SMAD4: variants seen among roughly 807,000 people sequenced by gnomAD.
SMAD4 encodes SMAD family member 4.
Under a neutral mutation model 63.2 loss-of-function variants are expected in SMAD4, and 7 were observed. That is an observed-to-expected ratio of 0.11 (90% confidence interval 0.06 to 0.21). The LOEUF (loss-of-function observed/expected upper bound fraction) is 0.21. Among genes scored for constraint, SMAD4 ranks in the 10% least tolerant of loss-of-function variants. The pLI is 1.00. For missense variants in SMAD4, 312 were observed against 693.8 expected (o/e 0.45, Z 6.18); for synonymous variants, 215 against 235.4 (o/e 0.91, Z 0.79).
Position 51,039,129 on chromosome 18 carries a change from G to A in SMAD4, c.-127-7791G>A, listed in dbSNP as rs191914729. On this transcript the variant is annotated intron_variant, in intron 1 of 11. Coordinates refer to ENST00000342988, the MANE Select transcript of SMAD4 (RefSeq NM_005359.6). ...CTCAGAAAAAGAATATGAATAAAGG[G>A]ATCCTGAGATCAGAGAGTTTGACAG... is the stretch of plus-strand genomic sequence containing the variant. Among the ~76,000 whole-genome samples, 459 of 152,228 alleles carry A rather than the reference G, an allele frequency of 3.0e-3. 2 individuals carry two copies. Among genetic ancestry groups the A allele is most frequent in the African/African-American group, 0.011 (444 of 41,534 alleles).
intron 10 of SMAD4, among the ~76,000 whole-genome samples, chr18:51,075,859 C>A (rs1244705149): frequency 1.3e-5 from 2 of 152,136 alleles, no homozygotes; most frequent in African/African-American, 2.4e-5. Flanking sequence ...TTTGCAACAA[C>A]CTCATGAAAG....
At chr18:51,076,983 T>G in intron 11 of SMAD4, 1 of 491,834 alleles carries the variant, frequency 2.0e-6, no homozygotes, top group Non-Finnish European at 3.6e-6. Flanking sequence ...GTATCAAAAA[T>G]GGAGTATGGG....
intron 10 of SMAD4, among the ~76,000 whole-genome samples, chr18:51,068,949 T>TAG (rs1190511397): frequency 6.6e-6 from 1 of 152,034 alleles, no homozygotes; most frequent in Admixed American, 6.6e-5. Context: ...AGACAATACA[T>TAG]AGACTATGAT....
At chr18:51,046,898 C>CTTTTTTTTTTTTTTTTTTTTTTTT in intron 1 of SMAD4, 22 bp from the exon 2 acceptor site, 1 of 540,562 alleles carries the variant, frequency 1.8e-6, no homozygotes, top group Non-Finnish European at 3.2e-6. Flanking sequence ...TGATGTGTGT[C>CTTTTTTTTTTTTTTTTTTTTTTTT]TTTTTTTTTT....
At chr18:51,051,407 C>T (rs1909707892) in intron 4 of SMAD4, 1 of 455,996 alleles carries the variant, frequency 2.2e-6, no homozygotes, top group South Asian at 1.6e-5. Flanking sequence ...AGGAATGATA[C>T]AAGAGCAGGT....
intron 8 of SMAD4, among the ~76,000 whole-genome samples, chr18:51,062,862 T>TTTTTTTG (rs1910055055): frequency 1.5e-5 from 2 of 132,332 alleles, no homozygotes; most frequent in African/African-American, 5.7e-5. Context: ...TTTTTTTTTT[T>TTTTTTTG]TTTTTTTTTT....
chr18:51,068,095 G>T (rs553380574), intron 10 of SMAD4, among the ~76,000 whole-genome samples: 84 of 152,260 alleles, frequency 5.5e-4, no homozygotes, highest in Non-Finnish European at 1.1e-3. Context: ...CCAGGAAGTT[G>T]CTTAGGATAA....
In SMAD4 at chr18:51,078,756, A is replaced by G. The variant is rs1461765879; in HGVS notation, c.*289A>G. ...GAAGGAATCATTCCAGTGCTAGAAA[A>G]TTTAGCCCTTTAAAACGTCTTAGAG... On this transcript the variant is annotated 3_prime_UTR_variant, in exon 12 of 12. Transcript: ENST00000342988. The G allele has an allele frequency of 2.5e-6, 1 of 401,446 alleles. No individual in the cohort carries two copies. Among genetic ancestry groups the G allele is most frequent in the Non-Finnish European group, 4.5e-6 (1 of 222,318 alleles). The allele number at this position is 401,446 out of a possible 1,614,324, so 24.9% of individuals were successfully genotyped here. A position where few individuals can be genotyped will look rare whatever the true frequency, so the allele number is the denominator to read the frequency against.
intron 10 of SMAD4, among the ~76,000 whole-genome samples, chr18:51,068,469 G>A (rs1269362911): frequency 2.0e-5 from 3 of 151,784 alleles, no homozygotes; most frequent in Admixed American, 6.6e-5. Flanking sequence ...ACATAATCGC[G>A]GTGCTATTTA....
At chr18:51,041,006 A>G (rs1464438546) in intron 1 of SMAD4, among the ~76,000 whole-genome samples, 2 of 151,954 alleles carry the variant, frequency 1.3e-5, no homozygotes, top group Non-Finnish European at 2.9e-5. Context: ...TTCATATTTC[A>G]GTTGGTTAAA....
chr18:51,057,974 G>A (rs543419643), intron 5 of SMAD4, 151 bp from the exon 6 acceptor site: 3 of 880,428 alleles, frequency 3.4e-6, no homozygotes, highest in East Asian at 5.3e-5. Context: ...ATGACTGTAG[G>A]TTTTTTACCT....
rs1209534905 is a variant in SMAD4 at position 51,082,713 on chromosome 18, C to T, written c.*4246C>T. 3.5e-5 allele frequency: 8 copies of T among 230,962 alleles called. 1 individual carries two copies. In the East Asian group the frequency reaches 4.3e-4, roughly 12 times the overall value. The allele number at this position is 230,962 out of a possible 1,614,324, so 14.3% of individuals were successfully genotyped here. ...GCCTTTACTAAATGGTCTGAGACAG[C>T]TATGGTTTTGAATTTTTAGTTTTTT... On this transcript the variant is annotated 3_prime_UTR_variant, in exon 12 of 12. Transcript: ENST00000342988.
In SMAD4 at chr18:51,040,402, C is replaced by T. The variant is rs1248186552; in HGVS notation, c.-127-6518C>T. ...TGGCACCACTGCACTCCAGCCTGGG[C>T]CACAGTGAAACTCTGTCTCAAAAAA... On this transcript the variant is annotated intron_variant, in intron 1 of 11. Transcript: ENST00000342988. Among the ~76,000 whole-genome samples the T allele has an allele frequency of 2.0e-5, 3 of 150,402 alleles. No individual in the cohort carries two copies. The East Asian group carries it at 5.9e-4, about 30-fold the overall frequency.
intron 4 of SMAD4, chr18:51,053,324 A>AT (rs1392751810): frequency 1.3e-5 from 2 of 152,186 alleles, no homozygotes; most frequent in Non-Finnish European, 2.9e-5. Flanking sequence ...GAAGAAAATC[A>AT]TTGAACTTTG....
chr18:51,069,456 T>C (rs1466483030), intron 10 of SMAD4, among the ~76,000 whole-genome samples: 1 of 152,180 alleles, frequency 6.6e-6, no homozygotes, highest in Non-Finnish European at 1.5e-5. Context: ...CCTTATATGT[T>C]TTGTAGTCCA....
chr18:51,076,582 T>G, intron 10 of SMAD4, 56 bp from the exon 11 acceptor site: 1 of 1,539,346 alleles, frequency 6.5e-7, no homozygotes, highest in Non-Finnish European at 8.9e-7. Flanking sequence ...CATTGGTTTT[T>G]AATGTATGGA....
At chr18:51,046,411 A>G (rs1198936121) in intron 1 of SMAD4, among the ~76,000 whole-genome samples, 2 of 145,974 alleles carry the variant, frequency 1.4e-5, no homozygotes, top group African/African-American at 5.0e-5. Context: ...GTCCTTTAGA[A>G]TCCTTTTGTT....
intron 5 of SMAD4, among the ~76,000 whole-genome samples, chr18:51,057,508 T>A (rs1909876618): frequency 6.6e-6 from 1 of 152,202 alleles, no homozygotes; most frequent in East Asian, 1.9e-4. Flanking sequence ...TAAAAGCTCT[T>A]GAAAAAATTT....
intron 10 of SMAD4, among the ~76,000 whole-genome samples, chr18:51,075,605 A>C (rs1910451814): frequency 6.6e-6 from 1 of 152,182 alleles, no homozygotes; most frequent in East Asian, 1.9e-4. Flanking sequence ...TATTTTAGGA[A>C]GATTTTTTTT....
Sources: gnomAD v4.1 joint callset for allele counts (sites outside exome capture counted in the v4.1 genomes callset) on GRCh38, gnomAD v4.1.1 for gene constraint, MANE v1.5 for transcripts, NCBI Gene and HGNC (gene_info 2026-07-23, HGNC 2026-07-21) for gene names.